The following PAPSS1 variants were observed in gnomAD, a reference collection of about 807,000 sequenced individuals.
PAPSS1 encodes the protein bifunctional 3'-phosphoadenosine 5'-phosphosulfate synthase 1.
PAPSS1 carries 50 observed loss-of-function variants against 72.0 expected under a neutral mutation model. That is an observed-to-expected ratio of 0.69 (90% CI 0.55 to 0.88). The LOEUF (loss-of-function observed/expected upper bound fraction) is 0.88. PAPSS1 is among the 40% of genes least tolerant of loss of function. The pLI is 0.00. For missense variants in PAPSS1, 657 were observed against 782.2 expected (o/e 0.84, Z 1.91); for synonymous variants, 261 against 263.6 (o/e 0.99, Z 0.09).
At chr4:107,632,019 A>G (rs1180918287) in intron 10 of PAPSS1, among the ~76,000 whole-genome samples, 159 bp from the exon 11 acceptor site, 1 of 152,158 alleles carries the variant, frequency 6.6e-6, no homozygotes, top group Non-Finnish European at 1.5e-5. Context: ...AAACAAAACT[A>G]ACAAAAAACA....
chr4:107,657,138 A>C (rs1329747196), intron 6 of PAPSS1, 131 bp from the exon 7 acceptor site: 16 of 608,628 alleles, frequency 2.6e-5, no homozygotes, highest in Non-Finnish European at 4.2e-5. Flanking sequence ...AGATTATACC[A>C]AACTAACAAA....
intron 1 of PAPSS1, among the ~76,000 whole-genome samples, chr4:107,702,146 C>A (rs189946886): frequency 6.6e-6 from 1 of 152,218 alleles, no homozygotes; most frequent in Non-Finnish European, 1.5e-5. Flanking sequence ...TCACTTTGCA[C>A]CCACTAGGAT....
intron 9 of PAPSS1, among the ~76,000 whole-genome samples, chr4:107,653,136 AAT>A (rs1282564951): frequency 1.4e-5 from 2 of 143,056 alleles, no homozygotes; most frequent in Non-Finnish European, 3.1e-5. Context: ...AATATATATG[AAT>A]ATATATCTCT....
At chr4:107,697,261 A>C (rs891041911) in intron 2 of PAPSS1, among the ~76,000 whole-genome samples, 3 of 152,252 alleles carry the variant, frequency 2.0e-5, no homozygotes, top group African/African-American at 7.2e-5. Context: ...GCAAGCCCTA[A>C]GCATAGCTGC....
chr4:107,635,516 G>A (rs536158118), intron 10 of PAPSS1, among the ~76,000 whole-genome samples: 84 of 152,104 alleles, frequency 5.5e-4, no homozygotes, highest in African/African-American at 1.9e-3. Context: ...GCATTTAAAC[G>A]CAGGCCAATA....
intron 5 of PAPSS1, among the ~76,000 whole-genome samples, chr4:107,661,824 A>C (rs1727190299): frequency 6.6e-6 from 1 of 152,210 alleles, no homozygotes; most frequent in Non-Finnish European, 1.5e-5. Context: ...AAAAAGGCAG[A>C]TATGTCAATC....
intron 5 of PAPSS1, among the ~76,000 whole-genome samples, chr4:107,673,509 G>GA (rs1272196116): frequency 1.3e-5 from 2 of 151,958 alleles, no homozygotes; most frequent in African/African-American, 2.4e-5. Context: ...GAAGTTTAGA[G>GA]AAAAAAAGAA....
rs780113436 is a variant in PAPSS1 at position 107,694,006 on chromosome 4, C to A, written c.176G>T (p.Gly59Val). 3.1e-6 allele frequency: 5 copies of A among 1,603,754 alleles called. No individual in the cohort carries two copies. Among genetic ancestry groups the A allele is most frequent in the Non-Finnish European group, 2.6e-6 (3 of 1,172,172 alleles). Residue 59 changes from glycine to valine, a missense_variant and splice_region_variant, in exon 3 of 12, where the codon GGC becomes GTC. Physicochemically the swap from Gly to Val is moderately radical, Grantham distance 109. Coordinates refer to ENST00000265174, the MANE Select transcript of PAPSS1 (RefSeq NM_005443.5). The part of the protein sequence containing the change: ...GFRGCTVWLT[G>V]LSGAGKTTVS... ...AGTAGTCTTTCCCGCTCCAGACAAGCCTAAAATTAAACAGTCCAAACAGAT... is the reference window on the plus strand; with the variant it reads ...AGTAGTCTTTCCCGCTCCAGACAAGACTAAAATTAAACAGTCCAAACAGAT...
chr4:107,683,710 G>C (rs916736266), intron 4 of PAPSS1, among the ~76,000 whole-genome samples: 3 of 152,052 alleles, frequency 2.0e-5, no homozygotes, highest in Non-Finnish European at 4.4e-5. Context: ...AAATAATTGA[G>C]ATTATCAGAA....
chr4:107,652,272 C>T (rs1026605622), intron 9 of PAPSS1, among the ~76,000 whole-genome samples: 3 of 152,188 alleles, frequency 2.0e-5, no homozygotes, highest in South Asian at 2.1e-4. Flanking sequence ...AGCACAACTG[C>T]AGGATGCTTC....
In PAPSS1 at chr4:107,628,570, G is replaced by A. The variant is rs968133572; in HGVS notation, c.1736+3061C>T. Reference sequence around the variant, plus strand: ...AATTTCCAATTAGCACATGTCAGTAGAGCTGACACTGATAAAAATGTAAAT... The same window carrying A: ...AATTTCCAATTAGCACATGTCAGTAAAGCTGACACTGATAAAAATGTAAAT... On this transcript the variant is annotated intron_variant, in intron 11 of 11. Transcript: ENST00000265174. Among the ~76,000 whole-genome samples, 11 of 152,266 alleles carry A rather than the reference G, an allele frequency of 7.2e-5. No homozygotes were observed. In the South Asian group the frequency reaches 2.1e-3, roughly 29 times the overall value.
At chr4:107,639,407 C>T (rs931207733) in intron 10 of PAPSS1, among the ~76,000 whole-genome samples, 1 of 152,176 alleles carries the variant, frequency 6.6e-6, no homozygotes, top group African/African-American at 2.4e-5. Context: ...TTGTAACTCA[C>T]TTGGTAGCAA....
chr4:107,671,719 C>T (rs1727472314), intron 5 of PAPSS1, among the ~76,000 whole-genome samples: 1 of 151,836 alleles, frequency 6.6e-6, no homozygotes, highest in Non-Finnish European at 1.5e-5. Flanking sequence ...AATGGCATAG[C>T]ATTTGCATAC....
intron 3 of PAPSS1, 90 bp from the exon 4 acceptor site, chr4:107,687,267 AT>A: frequency 2.1e-6 from 2 of 936,256 alleles, no homozygotes; most frequent in Non-Finnish European, 3.0e-6. Context: ...TTCTCATCCA[AT>A]TTAGTGGGAA....
intron 5 of PAPSS1, among the ~76,000 whole-genome samples, chr4:107,680,885 T>A (rs530845373): frequency 7.2e-5 from 11 of 152,090 alleles, no homozygotes; most frequent in Non-Finnish European, 1.6e-4. Flanking sequence ...TGATACCTGA[T>A]CAGTAAATAC....
intron 7 of PAPSS1, among the ~76,000 whole-genome samples, chr4:107,656,421 C>T (rs1727012037): frequency 6.6e-6 from 1 of 152,120 alleles, no homozygotes; most frequent in Admixed American, 6.6e-5. Context: ...TGGCCAACAT[C>T]AATTTCTTTG....
intron 1 of PAPSS1, among the ~76,000 whole-genome samples, chr4:107,705,842 T>G (rs2125939057): frequency 6.6e-6 from 1 of 152,370 alleles, no homozygotes; most frequent in East Asian, 1.9e-4. Context: ...GTGTTTCTTT[T>G]AAGACATGTC....
intron 11 of PAPSS1, among the ~76,000 whole-genome samples, chr4:107,624,257 C>T (rs745580355): frequency 1.2e-4 from 18 of 152,216 alleles, no homozygotes; most frequent in Admixed American, 2.0e-4. Flanking sequence ...GCAAACATCA[C>T]TTACTCCAGG....
At position 107,648,411 on chromosome 4, in the gene PAPSS1, C is replaced by T. The variant is rs148949810; in HGVS notation, c.1238-3341G>A. Among the ~76,000 whole-genome samples the T allele has an allele frequency of 4.8e-3, 725 of 152,226 alleles. 3 individuals carry two copies. Among genetic ancestry groups the T allele is most frequent in the South Asian group, 0.029 (139 of 4,826 alleles). ...CTGAGTATCCAAAGACAACTGCAAA[C>T]TCAGCAAATAAATGAATGAGGTGAT... On this transcript the variant is annotated intron_variant, in intron 9 of 11. Coordinates refer to ENST00000265174, the MANE Select transcript of PAPSS1 (RefSeq NM_005443.5).
Sources: gnomAD v4.1 joint callset for allele counts (sites outside exome capture counted in the v4.1 genomes callset) on GRCh38, gnomAD v4.1.1 for gene constraint, MANE v1.5 for transcripts, NCBI Gene and HGNC (gene_info 2026-07-23, HGNC 2026-07-21) for gene names.